The following LGSN variants were observed in gnomAD, a reference collection of about 807,000 sequenced individuals.
The protein encoded by LGSN is lengsin, lens protein with glutamine synthetase domain.
In LGSN, 21 loss-of-function variants were observed where a neutral mutation model predicts 19.5. That is an observed-to-expected ratio of 1.07 (90% CI 0.76 to 1.55). LGSN has a LOEUF of 1.55. LGSN is among the 40% of genes most tolerant of loss of function. LGSN has a pLI of 0.00. For synonymous variants in LGSN, 257 were observed against 215.6 expected (o/e 1.19, Z -1.68); for missense variants, 673 against 608.5 (o/e 1.11, Z -1.12).
At chr6:63,450,014 C>T in the LGSN span, among the ~76,000 whole-genome samples, 1 of 151,794 alleles carries the variant, frequency 6.6e-6, no homozygotes, top group African/African-American at 2.4e-5. Context: ...AGAACAAAGC[C>T]CTCATCTTCC....
At chr6:63,463,886 C>G in the LGSN span, among the ~76,000 whole-genome samples, 2 of 152,190 alleles carry the variant, frequency 1.3e-5, no homozygotes, top group South Asian at 4.1e-4. Context: ...AAAACTTTGT[C>G]TCAGAACTAT....
At chr6:63,353,963 A>T in the LGSN span, among the ~76,000 whole-genome samples, 1 of 152,130 alleles carries the variant, frequency 6.6e-6, no homozygotes, top group East Asian at 1.9e-4. Flanking sequence ...ATGAAACTAG[A>T]CCCCTATCTC....
the LGSN span, among the ~76,000 whole-genome samples, chr6:63,494,629 T>C: frequency 6.6e-6 from 1 of 152,196 alleles, no homozygotes; most frequent in East Asian, 1.9e-4. Context: ...TCTATTCTAC[T>C]TCTTTTTATT....
the LGSN span, among the ~76,000 whole-genome samples, chr6:63,357,043 C>G: frequency 7.1e-6 from 1 of 141,570 alleles, no homozygotes; most frequent in South Asian, 2.3e-4. Context: ...CATGTGTTCT[C>G]ATTGTTCAAT....
At chr6:63,470,105 GGAGA>G in the LGSN span, among the ~76,000 whole-genome samples, 1 of 152,068 alleles carries the variant, frequency 6.6e-6, no homozygotes, top group African/African-American at 2.4e-5. Flanking sequence ...ACAGAGGGAG[GGAGA>G]GAGGGAGGAG....
chr6:63,352,559 G>T, the LGSN span, among the ~76,000 whole-genome samples: 1 of 151,932 alleles, frequency 6.6e-6, no homozygotes, highest in Non-Finnish European at 1.5e-5. Flanking sequence ...TACTTAAGAG[G>T]CTGAGGCGGG....
the LGSN span, among the ~76,000 whole-genome samples, chr6:63,401,658 T>C: frequency 2.0e-5 from 3 of 152,228 alleles, no homozygotes; most frequent in African/African-American, 7.2e-5. Context: ...ATACATGCCA[T>C]GATCCATAAT....
chr6:63,364,748 A>G, the LGSN span, among the ~76,000 whole-genome samples: 1 of 152,238 alleles, frequency 6.6e-6, no homozygotes, highest in African/African-American at 2.4e-5. Context: ...CTCAGACCAC[A>G]GTGCAATCAA....
the LGSN span, among the ~76,000 whole-genome samples, chr6:63,518,283 T>C: frequency 2.0e-5 from 3 of 152,208 alleles, no homozygotes; most frequent in Non-Finnish European, 4.4e-5. Flanking sequence ...TTGCTTTCCC[T>C]AATAAGCATA....
the LGSN span, among the ~76,000 whole-genome samples, chr6:63,351,359 C>A: frequency 1.3e-5 from 2 of 151,362 alleles, no homozygotes; most frequent in African/African-American, 4.9e-5. Context: ...CAGATATTTG[C>A]TTTATAAATA....
chr6:63,308,915 A>G (rs529238402), intron 1 of LGSN, among the ~76,000 whole-genome samples: 104 of 152,364 alleles, frequency 6.8e-4, no homozygotes, highest in African/African-American at 2.3e-3. Context: ...GTGTTATTTC[A>G]AAGACTACAT....
chr6:63,324,234 C>A (rs1769174512), upstream of LGSN, among the ~76,000 whole-genome samples: 1 of 152,166 alleles, frequency 6.6e-6, no homozygotes, highest in Admixed American at 6.5e-5. Flanking sequence ...CCCTAGGGGT[C>A]CCTGAACCAT....
chr6:63,422,749 C>T, the LGSN span, among the ~76,000 whole-genome samples: 1 of 151,822 alleles, frequency 6.6e-6, no homozygotes, highest in East Asian at 1.9e-4. Context: ...AAATACAATT[C>T]TAAAAATTGT....
rs368840939 is a variant in LGSN at position 63,299,960 on chromosome 6, G to C, written c.31-4915C>G. On this transcript the variant is annotated intron_variant, in intron 1 of 3. Coordinates refer to ENST00000370657, the MANE Select transcript of LGSN (RefSeq NM_016571.3). ...TTGTCTGTAAGCTGACACTGAAAAG[G>C]CTGGCTACTGGGTTCCCCTGAAGCC... is the stretch of plus-strand genomic sequence containing the variant. Among the ~76,000 whole-genome samples, 4 of 152,268 alleles carry C rather than the reference G, an allele frequency of 2.6e-5. No individual in the cohort carries two copies. The East Asian group carries it at 7.7e-4, about 29-fold the overall frequency.
chr6:63,398,320 A>T, the LGSN span, among the ~76,000 whole-genome samples: 2 of 151,730 alleles, frequency 1.3e-5, no homozygotes, highest in South Asian at 2.1e-4. Context: ...TATGTGTGTT[A>T]TTGCCCCTGA....
At chr6:63,357,318 C>T in the LGSN span, among the ~76,000 whole-genome samples, 1 of 152,156 alleles carries the variant, frequency 6.6e-6, no homozygotes, top group South Asian at 2.1e-4. Flanking sequence ...TTTATAGCAG[C>T]ATGATTTATA....
chr6:63,360,272 A>G, the LGSN span, among the ~76,000 whole-genome samples: 1 of 152,146 alleles, frequency 6.6e-6, no homozygotes, highest in Non-Finnish European at 1.5e-5. Context: ...ACTTGGTTCC[A>G]TTCTCCCTGT....
At chr6:63,325,553 A>G in the LGSN span, among the ~76,000 whole-genome samples, 2 of 152,166 alleles carry the variant, frequency 1.3e-5, no homozygotes, top group Admixed American at 1.3e-4. Flanking sequence ...TAAATAGAAA[A>G]CCTGAACAAA....
chr6:63,348,622 G>T, the LGSN span, among the ~76,000 whole-genome samples: 7 of 152,070 alleles, frequency 4.6e-5, no homozygotes, highest in African/African-American at 1.7e-4. Flanking sequence ...GTTGAAGAGA[G>T]ACAACATCTT....
Sources: gnomAD v4.1 joint callset for allele counts (sites outside exome capture counted in the v4.1 genomes callset) on GRCh38, gnomAD v4.1.1 for gene constraint, MANE v1.5 for transcripts, NCBI Gene and HGNC (gene_info 2026-07-23, HGNC 2026-07-21) for gene names.